CDHR3: variants seen among roughly 807,000 people sequenced by gnomAD.
CDHR3 encodes cadherin-related family member 3.
A neutral mutation model predicts 86.6 loss-of-function variants in CDHR3; 79 were observed. The observed-to-expected ratio is 0.91, with a 90% CI of 0.76 to 1.10. The LOEUF (loss-of-function observed/expected upper bound fraction) is 1.10. Among genes scored for constraint, CDHR3 ranks in the 50% least tolerant of loss-of-function variants. The probability of loss-of-function intolerance (pLI) is 0.00; values close to 1 mark genes in which losing one functional copy is unlikely to be tolerated. For missense variants in CDHR3, 1,081 were observed against 1,077.6 expected (o/e 1.00, Z -0.04); for synonymous variants, 421 against 402.4 (o/e 1.05, Z -0.55).
chr7:105,996,262 C>T lies in CDHR3; in HGVS notation c.621C>T (p.Ile207=), dbSNP rs777649960. 1.1e-5 allele frequency: 18 copies of T among 1,581,180 alleles called. No individual in the cohort carries two copies. The highest frequency in any genetic ancestry group is 2.7e-5 in the African/African-American group (2 of 74,316). ...FEAGHRSFHL[I]VEVRDSGGLK... is the part of the protein sequence containing the mutation. ...GTTTCCCTGGCAGTTTCCATCTCAT[C>T]GTGGAGGTGAGGGACAGTGGAGGCC... is the stretch of plus-strand genomic sequence containing the variant. The change falls in exon 6 of 19, where the codon ATC becomes ATT. Residue 207 remains isoleucine (I), a synonymous_variant. Coordinates refer to ENST00000317716, the MANE Select transcript of CDHR3 (RefSeq NM_152750.5).
chr7:105,982,484 A>G (rs1166916385), intron 3 of CDHR3, among the ~76,000 whole-genome samples: 11 of 149,880 alleles, frequency 7.3e-5, no homozygotes, highest in Non-Finnish European at 1.3e-4. Context: ...AAAAAAAGAA[A>G]AAAAAAAAAA....
chr7:106,007,526 G>C (rs1195037152), intron 8 of CDHR3, among the ~76,000 whole-genome samples: 1 of 152,146 alleles, frequency 6.6e-6, no homozygotes, highest in Admixed American at 6.5e-5. Context: ...TCTCTCTCAA[G>C]TTCAAAGTTC....
chr7:106,017,119 A>G (rs1299721302), intron 11 of CDHR3, among the ~76,000 whole-genome samples: 1 of 152,250 alleles, frequency 6.6e-6, no homozygotes, highest in Non-Finnish European at 1.5e-5. Context: ...TATTTTTAAA[A>G]GAGCAATTCA....
intron 8 of CDHR3, among the ~76,000 whole-genome samples, chr7:106,008,363 G>A (rs569644275): frequency 9.5e-4 from 145 of 152,120 alleles, no homozygotes; most frequent in Non-Finnish European, 8.1e-4. Flanking sequence ...GCTCTCTGTC[G>A]CAGGACCTGC....
At chr7:106,015,747 C>T (rs1835513999) in intron 10 of CDHR3, 180 bp from the exon 11 acceptor site, 3 of 655,602 alleles carry the variant, frequency 4.6e-6, no homozygotes, top group Non-Finnish European at 8.4e-6. Context: ...GCTCTGTGTG[C>T]TCATGCGCTT....
chr7:105,991,248 C>G (rs957230950), intron 4 of CDHR3, among the ~76,000 whole-genome samples: 10 of 152,160 alleles, frequency 6.6e-5, no homozygotes, highest in Admixed American at 6.5e-4. Flanking sequence ...TTACAGAGAG[C>G]CTTGCTGAGT....
chr7:106,022,149 A>T, intron 13 of CDHR3, 49 bp from the exon 14 acceptor site: 4 of 1,602,114 alleles, frequency 2.5e-6, no homozygotes, highest in Non-Finnish European at 3.4e-6. Context: ...TTTATTTCTT[A>T]CTCTCTTTTC....
intron 4 of CDHR3, among the ~76,000 whole-genome samples, chr7:105,986,972 C>G (rs770101128): frequency 6.6e-6 from 1 of 152,094 alleles, no homozygotes; most frequent in South Asian, 2.1e-4. Flanking sequence ...ATTACTATAA[C>G]GTTTGTATAA....
intron 9 of CDHR3, 42 bp downstream of exon 9, chr7:106,013,073 T>C (rs1835060805): frequency 6.6e-7 from 1 of 1,525,554 alleles, no homozygotes; most frequent in Non-Finnish European, 8.8e-7. Context: ...GCATCGGGAA[T>C]TGGTCCAACA....
chr7:105,990,089 T>C (rs1330987288), intron 4 of CDHR3, among the ~76,000 whole-genome samples: 1 of 152,200 alleles, frequency 6.6e-6, no homozygotes, highest in Non-Finnish European at 1.5e-5. Context: ...TGGGACACTC[T>C]CAAATAGATG....
In CDHR3 at chr7:106,024,418, A is replaced by G. The variant is rs1402065662; in HGVS notation, c.2114A>G (p.Tyr705Cys). The G allele has an allele frequency of 3.7e-6, 6 of 1,613,430 alleles. No individual in the cohort carries two copies. The East Asian group carries it at 1.3e-4, about 36-fold the overall frequency. The change falls in exon 15 of 19, where the codon TAC (tyrosine) becomes TGC (cysteine). Residue 705 changes from tyrosine to cysteine, a missense_variant. Tyr to Cys is a radical substitution (Grantham distance 194). Coordinates refer to ENST00000317716, the MANE Select transcript of CDHR3 (RefSeq NM_152750.5). ...VTYQVLRKNVYSPSAWYVPFV... is the reference protein window; with the variant it reads ...VTYQVLRKNVCSPSAWYVPFV... The stretch of plus-strand genomic sequence containing the variant: ...TATCAGGTCCTGAGGAAAAACGTTT[A>G]CTCTCCATCTGCATGGTACGTGCCG...
chr7:106,029,792 C>T (rs183184570), intron 17 of CDHR3, among the ~76,000 whole-genome samples: 2 of 152,336 alleles, frequency 1.3e-5, no homozygotes, highest in East Asian at 3.9e-4. Flanking sequence ...CTTCTATGTT[C>T]TGGCCAGTGT....
At chr7:106,020,893 A>C (rs1208500786) in intron 13 of CDHR3, among the ~76,000 whole-genome samples, 1 of 151,828 alleles carries the variant, frequency 6.6e-6, no homozygotes, top group Non-Finnish European at 1.5e-5. Context: ...CTCCTCCCAG[A>C]CCCCATACGT....
intron 2 of CDHR3, among the ~76,000 whole-genome samples, chr7:105,975,583 A>G (rs903444509): frequency 6.6e-6 from 1 of 152,226 alleles, no homozygotes; most frequent in African/African-American, 2.4e-5. Flanking sequence ...AACCATTGAC[A>G]TTCAAGAGGC....
intron 17 of CDHR3, among the ~76,000 whole-genome samples, chr7:106,028,993 T>TTTC (rs1837911536): frequency 6.7e-6 from 1 of 149,710 alleles, no homozygotes; most frequent in African/African-American, 2.5e-5. Flanking sequence ...TCTTTCTTTC[T>TTTC]TTTTAAGACA....
At chr7:106,000,847 A>G (rs2115784691) in intron 6 of CDHR3, among the ~76,000 whole-genome samples, 2 of 149,470 alleles carry the variant, frequency 1.3e-5, no homozygotes, top group East Asian at 4.1e-4. Flanking sequence ...CTCATGATTA[A>G]TGCAACTTGG....
At chr7:106,027,542 G>A in intron 16 of CDHR3, 1 of 323,082 alleles carries the variant, frequency 3.1e-6, no homozygotes, top group South Asian at 2.5e-5. Flanking sequence ...CAGAGAAGTG[G>A]GTAAATTGGG....
chr7:106,027,772 G>C (rs966020811), intron 16 of CDHR3: 6 of 369,298 alleles, frequency 1.6e-5, no homozygotes, highest in Non-Finnish European at 2.7e-5. Context: ...TGATCATATT[G>C]ACAGAGATGA....
chr7:105,969,819 C>G (rs1194552950), intron 1 of CDHR3, among the ~76,000 whole-genome samples: 1 of 152,156 alleles, frequency 6.6e-6, no homozygotes, highest in African/African-American at 2.4e-5. Context: ...TGTAATAAAA[C>G]TGTAGATTTA....
Sources: allele counts gnomAD v4.1 joint callset (sites outside exome capture counted in the v4.1 genomes callset), GRCh38; gene constraint gnomAD v4.1.1; transcripts MANE v1.5; gene names NCBI Gene and HGNC (gene_info 2026-07-23, HGNC 2026-07-21).